The following KAZN variants were observed in gnomAD, a reference collection of about 807,000 sequenced individuals.
KAZN encodes kazrin, periplakin interacting protein.
Under a neutral mutation model 87.4 loss-of-function variants are expected in KAZN, and 40 were observed. The observed-to-expected ratio is 0.46, with a 90% CI of 0.36 to 0.60. KAZN has a LOEUF of 0.60. KAZN is among the 20% of genes least tolerant of loss of function. The probability of loss-of-function intolerance (pLI) is 0.00; values close to 1 mark genes in which losing one functional copy is unlikely to be tolerated. For missense variants in KAZN, 898 were observed against 1,073.9 expected (o/e 0.84, Z 2.29); for synonymous variants, 466 against 458.3 (o/e 1.02, Z -0.22).
intron 1 of KAZN, among the ~76,000 whole-genome samples, chr1:14,943,765 C>T (rs1287252056): frequency 6.6e-6 from 1 of 152,216 alleles, no homozygotes. Context: ...GCGAGGTGCT[C>T]AGTGAGTGTC....
At chr1:14,374,726 C>T (rs911763200) in intron 2 of KAZN, among the ~76,000 whole-genome samples, 1 of 152,100 alleles carries the variant, frequency 6.6e-6, no homozygotes, top group African/African-American at 2.4e-5. Context: ...TGGTCAGGAC[C>T]GCGGACTGCC....
chr1:14,982,311 G>A (rs951038966), intron 2 of KAZN, among the ~76,000 whole-genome samples: 6 of 152,080 alleles, frequency 3.9e-5, no homozygotes, highest in African/African-American at 9.7e-5. Flanking sequence ...CCTTTAAAAC[G>A]TGGCCTTTGG....
intron 2 of KAZN, among the ~76,000 whole-genome samples, chr1:14,479,513 T>G (rs1053057185): frequency 1.3e-5 from 2 of 152,206 alleles, no homozygotes; most frequent in Non-Finnish European, 2.9e-5. Flanking sequence ...ATCATTCATT[T>G]TCTTCCACCT....
Position 15,003,972 on chromosome 1 carries a change from G to A in KAZN, c.419-30777G>A, listed in dbSNP as rs550302360. Among the ~76,000 whole-genome samples the A allele has an allele frequency of 7.9e-5, 12 of 152,164 alleles. No homozygotes were observed. The South Asian group carries it at 1.5e-3, about 18-fold the overall frequency. On this transcript the variant is annotated intron_variant, in intron 2 of 14. Coordinates refer to ENST00000376030, the MANE Select transcript of KAZN (RefSeq NM_201628.3). ...CCTCTGCTGGGGGAAGCATAAAACC[G>A]GTCCTCCTTTGCACCTTCCTTCTCC...
At chr1:15,114,375 C>A in intron 14 of KAZN, 96 bp from the exon 15 acceptor site, 2 of 1,003,318 alleles carry the variant, frequency 2.0e-6, no homozygotes, top group Non-Finnish European at 3.0e-6. Context: ...GTTACTCAAT[C>A]ACAGAGCAAT....
rs12125909 is a variant in KAZN, at chr1:14,734,053, C to T, written c.226+134830C>T. Among the ~76,000 whole-genome samples, 1,203 of 152,290 alleles carry T rather than the reference C, an allele frequency of 7.9e-3. 4 individuals carry two copies. The highest frequency in any genetic ancestry group is 0.017 in the Middle Eastern group (5 of 294). On this transcript the variant is annotated intron_variant, in intron 1 of 14. Transcript: ENST00000376030. ...GGTTCAACTCAGGGGTTCCCTCCTG[C>T]CGGGTGAGCAGTGGGAATCACAGTC... is the stretch of plus-strand genomic sequence containing the variant.
intron 1 of KAZN, among the ~76,000 whole-genome samples, chr1:14,789,243 G>A (rs1197639133): frequency 6.6e-6 from 1 of 152,192 alleles, no homozygotes; most frequent in Non-Finnish European, 1.5e-5. Flanking sequence ...GGCAAACCTT[G>A]TCTGCCTTAC....
At chr1:14,424,220 G>A (rs1054538883) in intron 2 of KAZN, among the ~76,000 whole-genome samples, 3 of 152,270 alleles carry the variant, frequency 2.0e-5, no homozygotes, top group African/African-American at 7.2e-5. Context: ...GAAGATAAAA[G>A]GAGAAAATGA....
intron 2 of KAZN, among the ~76,000 whole-genome samples, chr1:14,514,575 T>A (rs1278253068): frequency 2.7e-4 from 33 of 121,004 alleles, no homozygotes; most frequent in African/African-American, 8.4e-4. Flanking sequence ...TTCTATATAT[T>A]TTATATATTT....
intron 2 of KAZN, among the ~76,000 whole-genome samples, chr1:14,335,735 G>A (rs965599103): frequency 2.0e-5 from 3 of 151,888 alleles, no homozygotes; most frequent in Admixed American, 6.6e-5. Flanking sequence ...TAATATAGGC[G>A]TGCATGTGCG....
At chr1:14,227,714 G>A (rs1320419370) in intron 2 of KAZN, among the ~76,000 whole-genome samples, 1 of 152,156 alleles carries the variant, frequency 6.6e-6, no homozygotes, top group East Asian at 1.9e-4. Flanking sequence ...CAGAGAATTT[G>A]TAGTCATGTT....
intron 1 of KAZN, among the ~76,000 whole-genome samples, chr1:14,709,831 C>T (rs58102051): frequency 0.22 from 33,687 of 152,070 alleles, 4,207 homozygotes; most frequent in Admixed American, 0.32. Context: ...TTCTTATGAA[C>T]ATTTCCTACT....
chr1:14,791,819 G>A (rs557192923), intron 1 of KAZN, among the ~76,000 whole-genome samples: 9 of 152,302 alleles, frequency 5.9e-5, no homozygotes, highest in South Asian at 4.1e-4. Context: ...TGATCCCTGC[G>A]CACACACAGC....
rs1662270625 is a variant in KAZN, at chr1:14,949,836, T to C, written c.227-10848T>C. Among the ~76,000 whole-genome samples the C allele has an allele frequency of 6.6e-6, 1 of 152,030 alleles. No individual in the cohort carries two copies. The highest frequency in any genetic ancestry group is 1.5e-5 in the Non-Finnish European group (1 of 67,998). ...AAGGCATGCAGGAGAGTACAGGTTTTCTGGGGTGTGGAGCTGGGTGGGCCC... is the reference window on the plus strand; with the variant it reads ...AAGGCATGCAGGAGAGTACAGGTTTCCTGGGGTGTGGAGCTGGGTGGGCCC... On this transcript the variant is annotated intron_variant, in intron 1 of 14. Coordinates refer to ENST00000376030, the MANE Select transcript of KAZN (RefSeq NM_201628.3). This position sits in a 1 kb window ranked among gnomAD's most constrained non-coding sequence, Gnocchi z 4.3.
intron 2 of KAZN, among the ~76,000 whole-genome samples, chr1:14,325,349 G>A (rs1206532633): frequency 6.6e-6 from 1 of 152,100 alleles, no homozygotes; most frequent in African/African-American, 2.4e-5. Context: ...CCTGACTACA[G>A]TGTGTCTGCT....
At chr1:14,190,864 TA>T (rs1412303143) in intron 2 of KAZN, among the ~76,000 whole-genome samples, 1 of 152,090 alleles carries the variant, frequency 6.6e-6, no homozygotes, top group Non-Finnish European at 1.5e-5. Flanking sequence ...TGCACACTTA[TA>T]AGAAATAATA....
chr1:14,372,131 TG>T (rs1660539595), intron 2 of KAZN, among the ~76,000 whole-genome samples: 1 of 152,224 alleles, frequency 6.6e-6, no homozygotes, highest in Non-Finnish European at 1.5e-5. Flanking sequence ...ATCCTTACTT[TG>T]GGAAAAGCAA....
chr1:14,687,051 G>T (rs1345971776), intron 1 of KAZN, among the ~76,000 whole-genome samples: 1 of 152,204 alleles, frequency 6.6e-6, no homozygotes. Flanking sequence ...CACTAATGTG[G>T]GGGTGGCTGG....
chr1:14,627,772 C>T (rs1179171812), intron 1 of KAZN, among the ~76,000 whole-genome samples: 1 of 152,158 alleles, frequency 6.6e-6, no homozygotes, highest in Non-Finnish European at 1.5e-5. Flanking sequence ...GCCAAACAAC[C>T]AGCTAAGTTT....
Sources: allele counts gnomAD v4.1 joint callset (sites outside exome capture counted in the v4.1 genomes callset), GRCh38; gene constraint gnomAD v4.1.1; non-coding constraint Gnocchi (gnomAD v3.1); transcripts MANE v1.5; gene names NCBI Gene and HGNC (gene_info 2026-07-23, HGNC 2026-07-21).